The following GALK1 variants were observed in gnomAD, a reference collection of about 807,000 sequenced individuals.
GALK1 encodes the protein galactokinase.
GALK1 carries 30 observed loss-of-function variants against 38.6 expected under a neutral mutation model. The observed-to-expected ratio is 0.78, with a 90% CI of 0.58 to 1.05. The LOEUF is 1.05. GALK1 is among the 50% of genes least tolerant of loss of function. GALK1 has a pLI of 0.00. For synonymous variants in GALK1, 240 were observed against 233.6 expected (o/e 1.03, Z -0.25); for missense variants, 512 against 540.5 (o/e 0.95, Z 0.52).
downstream of GALK1, chr17:75,753,712 G>A: frequency 2.4e-6 from 3 of 1,256,436 alleles, no homozygotes; most frequent in South Asian, 2.3e-5. Context: ...GCCTGGCCCT[G>A]CTCGGCCCGG....
intron 8 of GALK1, among the ~76,000 whole-genome samples, chr17:75,752,882 C>CA (rs1389416884): frequency 6.6e-6 from 1 of 152,160 alleles, no homozygotes; most frequent in African/African-American, 2.4e-5. Context: ...GGCCACCCCC[C>CA]AGGGGCAGGC....
chr17:75,756,378 A>C (rs779033271), downstream of GALK1: 2 of 1,597,384 alleles, frequency 1.3e-6, no homozygotes, highest in Non-Finnish European at 8.6e-7. Flanking sequence ...GGATCAGGCC[A>C]GGGGTGGGAG....
intron 2 of GALK1, 25 bp from the exon 3 acceptor site, chr17:75,763,464 G>A (rs1196717285): frequency 6.4e-7 from 1 of 1,570,892 alleles, no homozygotes; most frequent in Non-Finnish European, 8.6e-7. Context: ...ACAGGTGATG[G>A]TAAGAGGGGC....
chr17:75,764,807 G>A, intron 1 of GALK1, 165 bp downstream of exon 1: 1 of 754,436 alleles, frequency 1.3e-6, no homozygotes, highest in Non-Finnish European at 2.2e-6. Flanking sequence ...CCAACGTGGG[G>A]AACAGCCTGT....
downstream of GALK1, chr17:75,756,958 T>C: frequency 1.2e-6 from 2 of 1,612,548 alleles, no homozygotes; most frequent in Non-Finnish European, 1.7e-6. Context: ...GCCACCGCAT[T>C]CCGGGTGGAT....
At chr17:75,752,313 G>C in intron 8 of GALK1, 6 of 1,613,070 alleles carry the variant, frequency 3.7e-6, no homozygotes, top group Non-Finnish European at 5.1e-6. Flanking sequence ...CTGAGCGGGA[G>C]GCCATCATCA....
chr17:75,764,675 C>T (rs1043762157), intron 1 of GALK1: 3 of 559,004 alleles, frequency 5.4e-6, no homozygotes, highest in Non-Finnish European at 9.7e-6. Context: ...CACACAGGGC[C>T]TCACAGTTTA....
chr17:75,762,569 G>A lies in GALK1; in HGVS notation c.793+135C>T, dbSNP rs912302910. On this transcript the variant is annotated intron_variant, in intron 5 of 7. Coordinates refer to ENST00000588479, the MANE Select transcript of GALK1 (RefSeq NM_000154.2). ...CTGCTGAGATTGGAACCCTGGGTGC[G>A]CAGTGTTTGAAGGGACTGGGGAGAG... The A allele has an allele frequency of 7.6e-5, 67 of 883,678 alleles. No individual in the cohort carries two copies. The East Asian group carries it at 1.0e-3, about 13-fold the overall frequency. The allele number at this position is 883,678 out of a possible 1,614,324, so 54.7% of individuals were successfully genotyped here.
At chr17:75,761,946 G>A (rs968980382) in intron 5 of GALK1, among the ~76,000 whole-genome samples, 13 of 152,282 alleles carry the variant, frequency 8.5e-5, no homozygotes, top group African/African-American at 3.1e-4. Flanking sequence ...CTTGAACCCG[G>A]GAGGCAGAGG....
downstream of GALK1, chr17:75,755,960 C>A: frequency 4.6e-6 from 6 of 1,316,064 alleles, no homozygotes; most frequent in Non-Finnish European, 5.3e-6. Flanking sequence ...GTCCCTTGAG[C>A]GCTAAAGCCC....
At chr17:75,762,964 C>A (rs770785288) in intron 4 of GALK1, 50 bp downstream of exon 4, 1 of 1,611,632 alleles carries the variant, frequency 6.2e-7, no homozygotes, top group African/African-American at 1.3e-5. Context: ...CACTCCCACC[C>A]AGGAGCTGCT....
intron 1 of GALK1, chr17:75,764,329 T>TG (rs756842475): frequency 4.0e-6 from 3 of 741,748 alleles, no homozygotes; most frequent in African/African-American, 1.7e-5. Context: ...CCCTGAGCTG[T>TG]GGGGCAAGGG....
At chr17:75,762,678 G>C in intron 5 of GALK1, 26 bp downstream of exon 5, 3 of 1,612,984 alleles carry the variant, frequency 1.9e-6, no homozygotes, top group Non-Finnish European at 2.5e-6. Context: ...GCCGCCTCCA[G>C]GATAGAGCAC....
At chr17:75,754,941 TGCACGCACACACGTGCACAC>T, downstream of GALK1, 1 of 1,505,192 alleles carries the variant, frequency 6.6e-7, no homozygotes, top group Non-Finnish European at 9.1e-7. Context: ...CATGCACACA[TGCACGCACACACGTGCACAC>T]GCATGCACAC....
Position 75,763,388 on chromosome 17 carries a change from C to T in GALK1, c.407G>A (p.Gly136Glu), listed in dbSNP as rs1472308196. ...SAVVVSSVPL[G>E]GGLSSSASLE... The stretch of plus-strand genomic sequence containing the variant: ...GGATGCTGAGCTGGACAGGCCACCC[C>T]CCAGGGGCACTGAGCTGACCACCAC... Residue 136 changes from glycine to glutamate, a missense_variant, in exon 3 of 8, where the codon GGG becomes GAG. Coordinates refer to ENST00000588479, the MANE Select transcript of GALK1 (RefSeq NM_000154.2). 9 of 1,612,974 alleles carry T rather than the reference C, an allele frequency of 5.6e-6. No individual in the cohort carries two copies. The highest frequency in any genetic ancestry group is 1.3e-5 in the African/African-American group (1 of 74,870).
chr17:75,757,092 G>A (rs1355181082), downstream of GALK1: 1 of 1,612,860 alleles, frequency 6.2e-7, no homozygotes, highest in Non-Finnish European at 8.5e-7. Flanking sequence ...CATCACCATA[G>A]AGTCCCAGGA....
downstream of GALK1, chr17:75,753,878 T>A: frequency 1.5e-6 from 2 of 1,330,578 alleles, no homozygotes; most frequent in Non-Finnish European, 1.9e-6. Flanking sequence ...CGGGCGCTCC[T>A]CCGACGCCGA....
chr17:75,752,163 C>T, intron 8 of GALK1: 1 of 1,613,884 alleles, frequency 6.2e-7, no homozygotes, highest in East Asian at 2.2e-5. Flanking sequence ...GAAGCACTCT[C>T]TCTGCCCCAG....
downstream of GALK1, chr17:75,755,988 G>T: frequency 9.3e-7 from 1 of 1,073,996 alleles, no homozygotes; most frequent in Non-Finnish European, 1.4e-6. Context: ...GCCTGAGAGG[G>T]TCTCCCACCC....
Sources: allele counts gnomAD v4.1 joint callset (sites outside exome capture counted in the v4.1 genomes callset), GRCh38; gene constraint gnomAD v4.1.1; transcripts MANE v1.5; gene names NCBI Gene and HGNC (gene_info 2026-07-23, HGNC 2026-07-21).